The following RERE variants were observed in gnomAD, a reference collection of about 807,000 sequenced individuals.
The protein encoded by RERE is arginine-glutamic acid dipeptide repeats protein.
A neutral mutation model predicts 146.1 loss-of-function variants in RERE; 40 were observed. The observed-to-expected ratio is 0.27, with a 90% CI of 0.21 to 0.36. The LOEUF (loss-of-function observed/expected upper bound fraction) is 0.36. RERE is among the 10% of genes least tolerant of loss of function. RERE has a pLI of 1.00. For missense variants in RERE, 1,933 were observed against 2,138.7 expected, an observed-to-expected ratio of 0.90 and a Z score of 1.90; for synonymous variants, 1,003 against 866.0, an observed-to-expected ratio of 1.16 and a Z score of -2.78.
In RERE at chr1:8,399,818, T is replaced by A. The variant is rs1055216901; in HGVS notation, c.1284+22909A>T. Among the ~76,000 whole-genome samples the A allele has an allele frequency of 1.2e-3, 187 of 151,872 alleles. 2 individuals carry two copies. The highest frequency in any genetic ancestry group is 1.8e-3 in the Non-Finnish European group (122 of 67,944). On this transcript the variant is annotated intron_variant, in intron 12 of 22. Transcript: ENST00000400908. ...TTATGTCTTTTTTTAAAAAAAAAAA[T>A]AAAGAATTTGCATATCATTTGTTGT...
intron 8 of RERE, among the ~76,000 whole-genome samples, chr1:8,499,697 A>G (rs1383476634): frequency 6.6e-6 from 1 of 152,262 alleles, no homozygotes; most frequent in African/African-American, 2.4e-5. Flanking sequence ...CCATGCCTCT[A>G]AATGTGTATC....
chr1:8,514,689 T>C (rs1023020486), intron 7 of RERE, among the ~76,000 whole-genome samples: 7 of 150,894 alleles, frequency 4.6e-5, no homozygotes, highest in Non-Finnish European at 7.4e-5. Flanking sequence ...GGTCACACCA[T>C]TGCACTCCAG....
chr1:8,362,821 C>A lies in RERE; in HGVS notation c.1764G>T (p.Arg588=). 6.2e-7 allele frequency: 1 copy of A among 1,613,790 alleles called. No individual in the cohort carries two copies. Among genetic ancestry groups the A allele is most frequent in the Non-Finnish European group, 8.5e-7 (1 of 1,179,928 alleles). The change falls in exon 16 of 23, where the codon CGG becomes CGT. Residue 588 remains arginine, a synonymous_variant. Transcript: ENST00000400908. The part of the protein sequence containing the change: ...RGSMSTLRSG[R]KKQPASPDGR... Reference sequence around the variant, plus strand: ...CATCAGGGCTGGCTGGCTGCTTCTTCCGACCACTGCGTAGTGTCGACATCT... The same window carrying A: ...CATCAGGGCTGGCTGGCTGCTTCTTACGACCACTGCGTAGTGTCGACATCT...
chr1:8,480,134 T>G (rs1269374538), intron 10 of RERE, among the ~76,000 whole-genome samples: 1 of 99,928 alleles, frequency 1.0e-5, no homozygotes, highest in Non-Finnish European at 1.9e-5. Flanking sequence ...TTTTGTTTTT[T>G]TTTTTTTTGT....
At chr1:8,557,601 C>T in intron 4 of RERE, 78 bp from the exon 5 acceptor site, 1 of 879,596 alleles carries the variant, frequency 1.1e-6, no homozygotes, top group South Asian at 1.4e-5. Flanking sequence ...TGACCAAAAG[C>T]CCCTGTAAAC....
intron 2 of RERE, among the ~76,000 whole-genome samples, chr1:8,625,655 A>G (rs932697499): frequency 1.3e-5 from 2 of 152,172 alleles, no homozygotes; most frequent in Non-Finnish European, 2.9e-5. Context: ...GAATGAGTGT[A>G]TCTTACAATA....
chr1:8,409,124 G>A (rs557475090), intron 12 of RERE, among the ~76,000 whole-genome samples: 31 of 152,310 alleles, frequency 2.0e-4, no homozygotes, highest in African/African-American at 6.5e-4. Flanking sequence ...AGACTGTGCC[G>A]TTTTGAAGGC....
At chr1:8,474,578 G>T (rs1039082868) in intron 10 of RERE, among the ~76,000 whole-genome samples, 1 of 152,116 alleles carries the variant, frequency 6.6e-6, no homozygotes, top group Non-Finnish European at 1.5e-5. Context: ...GCGTGATGTT[G>T]CAAATAAATT....
At chr1:8,653,231 C>G (rs1486134155) in intron 2 of RERE, among the ~76,000 whole-genome samples, 2 of 152,148 alleles carry the variant, frequency 1.3e-5, no homozygotes, top group African/African-American at 2.4e-5. Flanking sequence ...AATGTCCCCA[C>G]TGACACCAGA....
intron 4 of RERE, among the ~76,000 whole-genome samples, chr1:8,584,167 A>G (rs1217929743): frequency 6.6e-6 from 1 of 152,160 alleles, no homozygotes; most frequent in Non-Finnish European, 1.5e-5. Flanking sequence ...CACAGCTGGC[A>G]ATGTCTTAAG....
At chr1:8,363,602 G>A (rs1641680995) in intron 15 of RERE, 1 of 167,098 alleles carries the variant, frequency 6.0e-6, no homozygotes, top group Admixed American at 5.7e-5. Flanking sequence ...TCCAACCTAG[G>A]AAACAAAGTC....
At chr1:8,638,166 A>T (rs1377526694) in intron 2 of RERE, among the ~76,000 whole-genome samples, 2 of 152,200 alleles carry the variant, frequency 1.3e-5, no homozygotes, top group Non-Finnish European at 2.9e-5. Flanking sequence ...TAATATAGTA[A>T]TATGTGTACT....
chr1:8,595,850 T>C (rs1051582078), intron 4 of RERE, among the ~76,000 whole-genome samples: 20 of 152,148 alleles, frequency 1.3e-4, no homozygotes, highest in Admixed American at 5.2e-4. Flanking sequence ...AGAAATGCAA[T>C]TCCCACTAAC....
rs1241814251 is a variant in RERE, at chr1:8,668,069, T to C, written c.-144-11628A>G. On this transcript the variant is annotated intron_variant, in intron 1 of 22. Coordinates refer to ENST00000400908, the MANE Select transcript of RERE (RefSeq NM_001042681.2). The stretch of plus-strand genomic sequence containing the variant: ...AAATATGCCCACAGTTGAGAACTAC[T>C]GCTTTAAACAAATTATTTGCCTATT... 2.0e-5 allele frequency among the ~76,000 whole-genome samples: 3 copies of C among 152,260 alleles called. No individual in the cohort carries two copies. In the East Asian group the frequency reaches 5.8e-4, roughly 29 times the overall value.
At chr1:8,737,409 T>C (rs1192123637) in intron 1 of RERE, among the ~76,000 whole-genome samples, 1 of 152,192 alleles carries the variant, frequency 6.6e-6, no homozygotes, top group African/African-American at 2.4e-5. Context: ...ATCAAAAGTT[T>C]ATCACACTTG....
At chr1:8,553,277 C>T (rs1461939367) in intron 6 of RERE, among the ~76,000 whole-genome samples, 1 of 152,002 alleles carries the variant, frequency 6.6e-6, no homozygotes, top group Non-Finnish European at 1.5e-5. Flanking sequence ...CCAGTGCGTC[C>T]ACACACACGT....
At chr1:8,569,578 G>A (rs1169607607) in intron 4 of RERE, among the ~76,000 whole-genome samples, 1 of 152,134 alleles carries the variant, frequency 6.6e-6, no homozygotes, top group African/African-American at 2.4e-5. Context: ...ATTAAAAACC[G>A]ATGATGAGCT....
intron 11 of RERE, among the ~76,000 whole-genome samples, chr1:8,459,947 A>G (rs993713134): frequency 1.3e-5 from 2 of 152,180 alleles, no homozygotes; most frequent in African/African-American, 4.8e-5. Context: ...CCCTTCCCCT[A>G]TATTGTGGAT....
intron 12 of RERE, among the ~76,000 whole-genome samples, chr1:8,374,419 A>G (rs1444998337): frequency 2.0e-5 from 3 of 152,240 alleles, no homozygotes; most frequent in Non-Finnish European, 4.4e-5. Context: ...GTGCAAAGGA[A>G]CTGCAATAGC....
Sources: allele counts gnomAD v4.1 joint callset (sites outside exome capture counted in the v4.1 genomes callset), GRCh38; gene constraint gnomAD v4.1.1; transcripts MANE v1.5; gene names NCBI Gene and HGNC (gene_info 2026-07-23, HGNC 2026-07-21).